KCNAB1: variants seen among roughly 807,000 people sequenced by gnomAD.
KCNAB1 encodes the protein voltage-gated potassium channel subunit beta-1.
In KCNAB1, 35 loss-of-function variants were observed where a neutral mutation model predicts 64.6. The observed-to-expected ratio is 0.54, with a 90% CI of 0.41 to 0.72. The LOEUF (loss-of-function observed/expected upper bound fraction) is 0.72. KCNAB1 is among the 30% of genes least tolerant of loss of function. KCNAB1 has a pLI of 0.00. For missense variants in KCNAB1, 401 were observed against 512.9 expected, an observed-to-expected ratio of 0.78 and a Z score of 2.11; for synonymous variants, 177 against 183.8, an observed-to-expected ratio of 0.96 and a Z score of 0.30.
chr3:156,386,871 T>A (rs188573494), intron 1 of KCNAB1, among the ~76,000 whole-genome samples: 67 of 152,288 alleles, frequency 4.4e-4, no homozygotes, highest in Non-Finnish European at 7.9e-4. Flanking sequence ...GAAAGATGAA[T>A]CTTTGAGAAC....
intron 1 of KCNAB1, among the ~76,000 whole-genome samples, chr3:156,167,661 A>G (rs1711670433): frequency 6.6e-6 from 1 of 152,202 alleles, no homozygotes; most frequent in Non-Finnish European, 1.5e-5. Context: ...GCCAGTTTCA[A>G]CAAACTTTTT....
chr3:156,489,437 T>A (rs1421950165), intron 8 of KCNAB1, among the ~76,000 whole-genome samples: 1 of 151,632 alleles, frequency 6.6e-6, no homozygotes, highest in African/African-American at 2.4e-5. Flanking sequence ...TACTGATAGG[T>A]CAAGTAAGAT....
At chr3:156,527,744 A>T (rs1343925542) in intron 12 of KCNAB1, among the ~76,000 whole-genome samples, 2 of 152,186 alleles carry the variant, frequency 1.3e-5, no homozygotes, top group African/African-American at 4.8e-5. Context: ...CAAAACTCTC[A>T]GAATCAAAAG....
intron 1 of KCNAB1, among the ~76,000 whole-genome samples, chr3:156,335,647 A>AT (rs2108053704): frequency 6.6e-6 from 1 of 152,348 alleles, no homozygotes; most frequent in South Asian, 2.1e-4. Context: ...ACTCTGGAAC[A>AT]TATCATTTTC....
chr3:156,376,844 C>A (rs1254528436), intron 1 of KCNAB1, among the ~76,000 whole-genome samples: 1 of 151,952 alleles, frequency 6.6e-6, no homozygotes, highest in Non-Finnish European at 1.5e-5. Flanking sequence ...AAGGAAGACC[C>A]AAGGCACTAA....
chr3:156,531,522 A>G (rs1362920163), intron 13 of KCNAB1, 25 bp downstream of exon 13: 1 of 1,529,882 alleles, frequency 6.5e-7, no homozygotes, highest in Admixed American at 1.7e-5. Flanking sequence ...CCCTTCCAAC[A>G]TCAGGGAATT....
intron 1 of KCNAB1, among the ~76,000 whole-genome samples, chr3:156,206,364 T>C (rs1373544832): frequency 2.0e-5 from 3 of 152,170 alleles, no homozygotes; most frequent in African/African-American, 7.2e-5. Flanking sequence ...CATACTGTGG[T>C]TGTGACACAC....
intron 5 of KCNAB1, chr3:156,460,623 C>T (rs1712829442): frequency 6.6e-6 from 1 of 152,222 alleles, no homozygotes; most frequent in African/African-American, 2.4e-5. Context: ...TTGGGGTCCT[C>T]CTCTGCCCTG....
intron 1 of KCNAB1, among the ~76,000 whole-genome samples, chr3:156,248,312 C>T (rs1717588830): frequency 6.6e-6 from 1 of 151,988 alleles, no homozygotes; most frequent in African/African-American, 2.4e-5. Flanking sequence ...GTTGCAAGTG[C>T]CTAGGTTCCT....
intron 1 of KCNAB1, among the ~76,000 whole-genome samples, chr3:156,287,691 C>T (rs1353032345): frequency 1.3e-5 from 2 of 151,846 alleles, no homozygotes; most frequent in African/African-American, 4.8e-5. Context: ...ATGGTATACA[C>T]CTGTAATCCC....
intron 10 of KCNAB1, among the ~76,000 whole-genome samples, chr3:156,515,545 T>G (rs1315369153): frequency 6.6e-6 from 1 of 152,184 alleles, no homozygotes; most frequent in East Asian, 1.9e-4. Context: ...TCATTGGTGC[T>G]TGCTCGAGTA....
At chr3:156,352,332 A>G (rs1022147427) in intron 1 of KCNAB1, among the ~76,000 whole-genome samples, 11 of 152,200 alleles carry the variant, frequency 7.2e-5, no homozygotes, top group African/African-American at 2.4e-4. Context: ...AGATTCCTCC[A>G]AAGCTATCAG....
intron 8 of KCNAB1, among the ~76,000 whole-genome samples, 163 bp from the exon 9 acceptor site, chr3:156,514,201 A>G (rs1473684674): frequency 6.6e-6 from 1 of 152,220 alleles, no homozygotes; most frequent in Non-Finnish European, 1.5e-5. Flanking sequence ...CAAACCATCA[A>G]TATTTCCTGT....
chr3:156,148,231 T>G (rs186481012), intron 1 of KCNAB1, among the ~76,000 whole-genome samples: 2 of 152,186 alleles, frequency 1.3e-5, no homozygotes, highest in Non-Finnish European at 2.9e-5. Flanking sequence ...CCCTACAGCA[T>G]TGACCACCAG....
intron 1 of KCNAB1, among the ~76,000 whole-genome samples, chr3:156,383,477 T>C (rs1163717301): frequency 6.6e-6 from 1 of 152,152 alleles, no homozygotes; most frequent in Non-Finnish European, 1.5e-5. Flanking sequence ...TAAATACCCA[T>C]CCTGATTTGC....
chr3:156,225,290 A>G (rs1210788727), intron 1 of KCNAB1, among the ~76,000 whole-genome samples: 1 of 152,256 alleles, frequency 6.6e-6, no homozygotes, highest in African/African-American at 2.4e-5. Flanking sequence ...AATGTGAAAC[A>G]CCACACAAAC....
chr3:156,250,643 T>G (rs1717776877), intron 1 of KCNAB1, among the ~76,000 whole-genome samples: 1 of 152,180 alleles, frequency 6.6e-6, no homozygotes, highest in South Asian at 2.1e-4. Flanking sequence ...GGAGAGCTGA[T>G]GATTTTGACT....
chr3:156,521,271 T>A (rs916170900), intron 11 of KCNAB1, among the ~76,000 whole-genome samples: 12 of 151,984 alleles, frequency 7.9e-5, no homozygotes, highest in African/African-American at 2.9e-4. Flanking sequence ...AAGGGGTGAA[T>A]TATGAAATAA....
intron 1 of KCNAB1, among the ~76,000 whole-genome samples, chr3:156,150,728 CTT>C (rs1289866576): frequency 1.3e-5 from 2 of 152,252 alleles, no homozygotes; most frequent in East Asian, 3.9e-4. Flanking sequence ...TAGCAGAAAA[CTT>C]TATTCAGACA....
Sources: gnomAD v4.1 joint callset for allele counts (sites outside exome capture counted in the v4.1 genomes callset) on GRCh38, gnomAD v4.1.1 for gene constraint, MANE v1.5 for transcripts, NCBI Gene and HGNC (gene_info 2026-07-23, HGNC 2026-07-21) for gene names.